Variants in SFI1 observed in about 807,000 individuals in gnomAD.
The protein encoded by SFI1 is SFI1 centrin binding protein.
A neutral mutation model predicts 207.5 loss-of-function variants in SFI1; 195 were observed. The observed-to-expected ratio is 0.94, with a 90% CI of 0.84 to 1.06. SFI1 has a LOEUF of 1.06. Ranked by LOEUF, SFI1 falls within the 50% of genes least tolerant of loss-of-function variation. The pLI is 0.00. For missense variants in SFI1, 1,634 were observed against 1,588.0 expected (o/e 1.03, Z -0.49); for synonymous variants, 630 against 598.9 (o/e 1.05, Z -0.76).
chr22:31,539,052 A>C (rs1295467989), intron 4 of SFI1, among the ~76,000 whole-genome samples: 3 of 152,158 alleles, frequency 2.0e-5, no homozygotes, highest in Admixed American at 2.0e-4. Flanking sequence ...AGAAATGGTG[A>C]AGTCATCCTT....
chr22:31,532,512 G>A (rs116330821), intron 4 of SFI1, among the ~76,000 whole-genome samples: 1,711 of 152,182 alleles, frequency 0.011, 33 homozygotes, highest in African/African-American at 0.039. Context: ...GAAATGTCTT[G>A]GGTTCCCTCC....
intron 4 of SFI1, among the ~76,000 whole-genome samples, chr22:31,545,584 A>AATTTT (rs1555984036): frequency 1.2e-3 from 176 of 144,960 alleles, no homozygotes; most frequent in East Asian, 3.0e-3. Flanking sequence ...AATTTAATTT[A>AATTTT]ATTTTATTTT....
chr22:31,497,611 G>C (rs988427767), intron 1 of SFI1, among the ~76,000 whole-genome samples: 2 of 152,142 alleles, frequency 1.3e-5, no homozygotes, highest in Admixed American at 1.3e-4. Context: ...TGGCCCCTAA[G>C]TGTTCAGTGA....
intron 6 of SFI1, among the ~76,000 whole-genome samples, chr22:31,551,682 C>A (rs1317853300): frequency 6.6e-6 from 1 of 152,174 alleles, no homozygotes; most frequent in African/African-American, 2.4e-5. Context: ...CCACCTGCCT[C>A]GCTCTCCCAA....
intron 28 of SFI1, 43 bp downstream of exon 28, chr22:31,614,903 C>T: frequency 6.2e-7 from 1 of 1,605,960 alleles, no homozygotes; most frequent in Non-Finnish European, 8.5e-7. Context: ...GGGAGATGGT[C>T]AGGGGTCCCC....
At chr22:31,581,832 C>T (rs551598581) in intron 12 of SFI1, among the ~76,000 whole-genome samples, 1 of 152,044 alleles carries the variant, frequency 6.6e-6, no homozygotes, top group East Asian at 1.9e-4. Context: ...TTAATATTTG[C>T]TATGTTTGCC....
chr22:31,537,029 CATG>C (rs1224755056), intron 4 of SFI1, among the ~76,000 whole-genome samples: 1 of 151,164 alleles, frequency 6.6e-6, no homozygotes, highest in African/African-American at 2.4e-5. Flanking sequence ...GGATTACAGG[CATG>C]AGGGGATTTA....
chr22:31,535,435 G>A lies in SFI1; in HGVS notation c.338+4306G>A, dbSNP rs193188160. ...GAACTCCTGACCTTGTGATCCGCCC[G>A]CCCTCAACCTCCCAAAGTGTTTGGA... On this transcript the variant is annotated intron_variant, in intron 4 of 32. Transcript: ENST00000400288. 4.9e-3 allele frequency among the ~76,000 whole-genome samples: 745 copies of A among 151,210 alleles called. 6 individuals carry two copies. Among genetic ancestry groups the A allele is most frequent in the Non-Finnish European group, 6.9e-3 (468 of 67,800 alleles).
intron 1 of SFI1, among the ~76,000 whole-genome samples, chr22:31,502,588 G>A (rs1158555956): frequency 6.6e-6 from 1 of 152,006 alleles, no homozygotes; most frequent in African/African-American, 2.4e-5. Flanking sequence ...TGTCCAGGCT[G>A]GTCTTGAACT....
chr22:31,511,663 T>G lies in SFI1; in HGVS notation c.92+3287T>G, dbSNP rs12165610. On this transcript the variant is annotated intron_variant, in intron 2 of 32. Transcript: ENST00000400288. ...ATGTATTTCCTTTAAGTTTTTTGTTTGTTTGTTTGAGACAGAGTCTTGCTC... is the reference window on the plus strand; with the variant it reads ...ATGTATTTCCTTTAAGTTTTTTGTTGGTTTGTTTGAGACAGAGTCTTGCTC... Among the ~76,000 whole-genome samples, 1,128 of 152,134 alleles carry G rather than the reference T, an allele frequency of 7.4e-3. 24 individuals carry two copies. The highest frequency in any genetic ancestry group is 0.025 in the African/African-American group (1,024 of 41,508).
chr22:31,523,210 T>C (rs1395273897), intron 2 of SFI1, among the ~76,000 whole-genome samples: 1 of 152,226 alleles, frequency 6.6e-6, no homozygotes, highest in Non-Finnish European at 1.5e-5. Flanking sequence ...TATTTTCTCC[T>C]TCACATTCCT....
chr22:31,614,685 C>T lies in SFI1; in HGVS notation c.2997-104C>T, dbSNP rs141456237. On this transcript the variant is annotated intron_variant, in intron 27 of 32. Transcript: ENST00000400288. ...ACTTGCTGACCTTGGCCTCGCCTTT[C>T]CTGACTTTCAGTCTCCCTATAAAAT... The T allele has an allele frequency of 8.7e-4, 1,195 of 1,369,586 alleles. 6 individuals carry two copies. The African/African-American group carries it at 0.014, about 16-fold the overall frequency. 84.8% of individuals were successfully genotyped at this position (1,369,586 alleles called of 1,614,324 possible).
chr22:31,612,171 G>A (rs1290530725), intron 24 of SFI1: 1 of 628,864 alleles, frequency 1.6e-6, no homozygotes, highest in Non-Finnish European at 2.0e-6. Flanking sequence ...GAGGTCAGGA[G>A]ATCGAGACCA....
intron 2 of SFI1, among the ~76,000 whole-genome samples, chr22:31,513,496 G>T (rs1256158328): frequency 6.6e-6 from 1 of 152,042 alleles, no homozygotes; most frequent in Non-Finnish European, 1.5e-5. Context: ...CTCTCTTAGG[G>T]ATACTGAAAT....
At chr22:31,533,478 C>T (rs370551337) in intron 4 of SFI1, among the ~76,000 whole-genome samples, 11 of 151,966 alleles carry the variant, frequency 7.2e-5, no homozygotes, top group Non-Finnish European at 1.0e-4. Flanking sequence ...TGCAGTGAGC[C>T]GAGATCATGT....
intron 2 of SFI1, among the ~76,000 whole-genome samples, chr22:31,520,704 C>T (rs2057123658): frequency 6.6e-6 from 1 of 151,918 alleles, no homozygotes; most frequent in Admixed American, 6.6e-5. Flanking sequence ...TCAAAATCCA[C>T]TACTTCCATT....
chr22:31,554,607 C>T (rs2060982140), intron 6 of SFI1, among the ~76,000 whole-genome samples: 2 of 133,312 alleles, frequency 1.5e-5, no homozygotes. Context: ...TGCGCCCAGC[C>T]TTTTTTTTTT....
chr22:31,545,584 A>ATTTTATTTTATTTT (rs1555984037), intron 4 of SFI1, among the ~76,000 whole-genome samples: 7 of 144,884 alleles, frequency 4.8e-5, no homozygotes, highest in Admixed American at 2.1e-4. Context: ...AATTTAATTT[A>ATTTTATTTTATTTT]ATTTTATTTT....
intron 14 of SFI1, among the ~76,000 whole-genome samples, chr22:31,588,145 C>T (rs938660931): frequency 6.6e-6 from 1 of 152,182 alleles, no homozygotes; most frequent in Non-Finnish European, 1.5e-5. Flanking sequence ...TGAAAAGATT[C>T]TAATGGCAAG....
Sources: allele counts gnomAD v4.1 joint callset (sites outside exome capture counted in the v4.1 genomes callset), GRCh38; gene constraint gnomAD v4.1.1; transcripts MANE v1.5; gene names NCBI Gene and HGNC (gene_info 2026-07-23, HGNC 2026-07-21).